Variants in ELF2 observed in about 807,000 individuals in gnomAD.
The protein encoded by ELF2 is ETS-related transcription factor Elf-2.
In ELF2, 11 loss-of-function variants were observed where a neutral mutation model predicts 54.8. The observed-to-expected ratio is 0.20, with a 90% confidence interval of 0.13 to 0.33. The LOEUF (loss-of-function observed/expected upper bound fraction) is 0.33. ELF2 is among the 10% of genes least tolerant of loss of function. The pLI is 1.00. For missense variants in ELF2, 513 were observed against 703.0 expected (o/e 0.73, Z 3.06); for synonymous variants, 203 against 245.1 (o/e 0.83, Z 1.61).
intron 4 of ELF2, among the ~76,000 whole-genome samples, chr4:139,122,118 T>C (rs72949658): frequency 0.027 from 4,092 of 152,264 alleles, 97 homozygotes; most frequent in African/African-American, 0.064. Context: ...CAGAGAACTG[T>C]CAGAACAAGC....
At chr4:139,064,401 A>G (rs1728376763) in intron 7 of ELF2, among the ~76,000 whole-genome samples, 1 of 152,224 alleles carries the variant, frequency 6.6e-6, no homozygotes, top group Non-Finnish European at 1.5e-5. Flanking sequence ...CTATCCTTAA[A>G]TCCAGTTCTA....
chr4:139,161,904 C>CT (rs2148901969), intron 1 of ELF2, among the ~76,000 whole-genome samples: 1 of 152,050 alleles, frequency 6.6e-6, no homozygotes, highest in African/African-American at 2.4e-5. Flanking sequence ...ATCATCCTGG[C>CT]TAACACGGTG....
rs1309358254 is a variant in ELF2, at chr4:139,150,367, C to CA, written c.-251-10871dup. On this transcript the variant is annotated intron_variant, in intron 1 of 9. Transcript: ENST00000686138. ...GGGCAACAACAGCAAAACTGCATCT[C>CA]AAAAAAAAAAAAAATTAGCTGGGCA... Among the ~76,000 whole-genome samples, 513 of 134,368 alleles carry CA rather than the reference C, an allele frequency of 3.8e-3. 2 individuals carry two copies. Among genetic ancestry groups the CA allele is most frequent in the Non-Finnish European group, 5.0e-3 (309 of 61,958 alleles). 88.2% of individuals were successfully genotyped at this position (134,368 alleles called of 152,430 possible). A position where few individuals can be genotyped will look rare whatever the true frequency, so the allele number is the denominator to read the frequency against.
intron 4 of ELF2, among the ~76,000 whole-genome samples, chr4:139,091,993 CTATATATATACA>C (rs1732639952): frequency 6.7e-6 from 1 of 148,264 alleles, no homozygotes; most frequent in East Asian, 1.9e-4. Context: ...CATATATACA[CTATATATATACA>C]TATATATATA....
intron 4 of ELF2, among the ~76,000 whole-genome samples, chr4:139,077,888 A>T (rs921404588): frequency 2.0e-5 from 3 of 152,216 alleles, no homozygotes; most frequent in African/African-American, 7.2e-5. Flanking sequence ...TTAAAAATAG[A>T]AACAATGAAG....
At chr4:139,121,095 ATTTTTTTTTTTTT>A (rs10711256) in intron 4 of ELF2, among the ~76,000 whole-genome samples, 8 of 65,084 alleles carry the variant, frequency 1.2e-4, no homozygotes, top group East Asian at 7.6e-4. Context: ...TATAACACAG[ATTTTTTTTTTTTT>A]TTTTTTTTTT....
chr4:139,163,041 C>A (rs1429612419), intron 1 of ELF2, among the ~76,000 whole-genome samples: 1 of 151,982 alleles, frequency 6.6e-6, no homozygotes, highest in Non-Finnish European at 1.5e-5. Flanking sequence ...AGTTATAGTA[C>A]GCTATGATCA....
intron 4 of ELF2, among the ~76,000 whole-genome samples, chr4:139,107,314 AAT>A (rs1734513333): frequency 6.6e-6 from 1 of 152,172 alleles, no homozygotes; most frequent in South Asian, 2.1e-4. Flanking sequence ...CCTCTTTATA[AAT>A]AGACATTCAC....
At chr4:139,156,647 T>G (rs942743193) in intron 1 of ELF2, among the ~76,000 whole-genome samples, 1 of 52,812 alleles carries the variant, frequency 1.9e-5, no homozygotes, top group African/African-American at 6.1e-5. Flanking sequence ...TTGTTGTTGC[T>G]GTTGTTGTTA....
chr4:139,119,971 A>C (rs1372675327), intron 4 of ELF2, among the ~76,000 whole-genome samples: 1 of 152,076 alleles, frequency 6.6e-6, no homozygotes, highest in Non-Finnish European at 1.5e-5. Flanking sequence ...ATGGGGTTTC[A>C]CCACATTGGG....
chr4:139,165,391 C>T (rs1038795070), intron 1 of ELF2, among the ~76,000 whole-genome samples: 2 of 152,152 alleles, frequency 1.3e-5, no homozygotes, highest in South Asian at 2.1e-4. Context: ...TGGCTTGGAG[C>T]GGTGGCTCAT....
intron 4 of ELF2, chr4:139,084,027 G>GACAC: frequency 6.4e-7 from 1 of 1,572,314 alleles, no homozygotes; most frequent in Non-Finnish European, 8.7e-7. Flanking sequence ...CTGTGAGGTG[G>GACAC]ACACTGTACC....
At chr4:139,171,645 C>T (rs1020061794) in intron 1 of ELF2, among the ~76,000 whole-genome samples, 2 of 151,774 alleles carry the variant, frequency 1.3e-5, no homozygotes, top group Non-Finnish European at 2.9e-5. Flanking sequence ...AAAATCAGGC[C>T]GGGCATGGTG....
intron 1 of ELF2, among the ~76,000 whole-genome samples, chr4:139,158,554 A>G (rs1740781655): frequency 6.6e-6 from 1 of 152,024 alleles, no homozygotes; most frequent in African/African-American, 2.4e-5. Context: ...CTGAAAGAAG[A>G]TTTTGTGGTA....
intron 4 of ELF2, among the ~76,000 whole-genome samples, chr4:139,093,498 A>C (rs907412105): frequency 6.6e-6 from 1 of 152,234 alleles, no homozygotes; most frequent in East Asian, 1.9e-4. Context: ...GCAGATAAAG[A>C]CAGGAAAGTA....
intron 1 of ELF2, among the ~76,000 whole-genome samples, chr4:139,173,416 TAAATA>T (rs1399050936): frequency 1.3e-5 from 2 of 152,004 alleles, no homozygotes; most frequent in African/African-American, 4.8e-5. Context: ...GATGCACAGA[TAAATA>T]AAATGTAATA....
chr4:139,133,367 A>G (rs1240711033), intron 3 of ELF2, among the ~76,000 whole-genome samples: 1 of 152,142 alleles, frequency 6.6e-6, no homozygotes, highest in Admixed American at 6.5e-5. Context: ...CTGATAGTTA[A>G]TAATATTGAG....
At chr4:139,068,906 TCTCA>T (rs1729119670) in intron 6 of ELF2, among the ~76,000 whole-genome samples, 1 of 150,448 alleles carries the variant, frequency 6.6e-6, no homozygotes, top group Non-Finnish European at 1.5e-5. Context: ...AGAGATGGAG[TCTCA>T]CTCTGTCACC....
At chr4:139,104,602 C>T (rs1378904880) in intron 4 of ELF2, among the ~76,000 whole-genome samples, 1 of 151,780 alleles carries the variant, frequency 6.6e-6, no homozygotes, top group Non-Finnish European at 1.5e-5. Flanking sequence ...CTCCTAATTC[C>T]ACTCCCAAAT....
Sources: allele counts gnomAD v4.1 joint callset (sites outside exome capture counted in the v4.1 genomes callset), GRCh38; gene constraint gnomAD v4.1.1; transcripts MANE v1.5; gene names NCBI Gene and HGNC (gene_info 2026-07-23, HGNC 2026-07-21).